Variants in PCDH15 observed in about 807,000 individuals in gnomAD.
The protein encoded by PCDH15 is protocadherin-15.
A neutral mutation model predicts 178.5 loss-of-function variants in PCDH15; 129 were observed. That is an observed-to-expected ratio of 0.72 (90% CI 0.63 to 0.84). PCDH15 has a LOEUF of 0.84. PCDH15 is among the 40% of genes least tolerant of loss of function. The pLI, the probability that PCDH15 is intolerant of heterozygous loss-of-function variation, is 0.00. For synonymous variants in PCDH15, 800 were observed against 732.0 expected, an observed-to-expected ratio of 1.09 and a Z score of -1.50; for missense variants, 2,230 against 2,099.9, an observed-to-expected ratio of 1.06 and a Z score of -1.21.
intron 3 of PCDH15, among the ~76,000 whole-genome samples, chr10:54,510,788 A>T (rs2081579514): frequency 6.6e-6 from 1 of 152,196 alleles, no homozygotes; most frequent in South Asian, 2.1e-4. Context: ...TTTTGGTGTG[A>T]ATGTATTTCA....
chr10:53,979,512 G>T (rs774992904), intron 21 of PCDH15, among the ~76,000 whole-genome samples: 2 of 152,106 alleles, frequency 1.3e-5, no homozygotes, highest in Non-Finnish European at 1.5e-5. Flanking sequence ...TCTAAGAATG[G>T]GGATACATTG....
intron 15 of PCDH15, among the ~76,000 whole-genome samples, chr10:54,111,937 C>T (rs1410782286): frequency 6.7e-6 from 1 of 148,708 alleles, no homozygotes; most frequent in African/African-American, 2.5e-5. Context: ...GACCATCCTG[C>T]CCAACATAGT....
intron 21 of PCDH15, among the ~76,000 whole-genome samples, chr10:53,989,302 T>C (rs2091312144): frequency 1.3e-5 from 2 of 152,156 alleles, no homozygotes; most frequent in Admixed American, 1.3e-4. Flanking sequence ...AAACAAATTT[T>C]ACGCACATTT....
intron 2 of PCDH15, among the ~76,000 whole-genome samples, chr10:54,659,358 T>C (rs2094455488): frequency 6.6e-6 from 1 of 152,208 alleles, no homozygotes; most frequent in South Asian, 2.1e-4. Flanking sequence ...GAACGTTCTC[T>C]AAAATTAACC....
intron 3 of PCDH15, among the ~76,000 whole-genome samples, chr10:54,436,261 GT>G (rs146022019): frequency 4.0e-5 from 6 of 150,894 alleles, no homozygotes; most frequent in East Asian, 1.9e-4. Flanking sequence ...CATTTAATGG[GT>G]TTTTTTTTGT....
chr10:55,154,033 C>T (rs1838810744), intron 2 of PCDH15, among the ~76,000 whole-genome samples: 1 of 152,074 alleles, frequency 6.6e-6, no homozygotes, highest in African/African-American at 2.4e-5. Context: ...GAGAAATTAC[C>T]ATGTACACGT....
chr10:53,985,237 C>T (rs777291172), intron 21 of PCDH15, among the ~76,000 whole-genome samples: 3 of 151,944 alleles, frequency 2.0e-5, no homozygotes, highest in Non-Finnish European at 4.4e-5. Flanking sequence ...AATGGTATTG[C>T]TTTCTTTTTC....
chr10:54,280,182 T>C (rs566897248), intron 8 of PCDH15, among the ~76,000 whole-genome samples: 2 of 151,896 alleles, frequency 1.3e-5, no homozygotes, highest in East Asian at 3.9e-4. Flanking sequence ...AAAACCCTGC[T>C]ACCCATTTCC....
At chr10:55,275,705 CTT>C (rs200162578) in intron 1 of PCDH15, among the ~76,000 whole-genome samples, 16 of 139,674 alleles carry the variant, frequency 1.1e-4, no homozygotes, top group Admixed American at 2.2e-4. Flanking sequence ...ACTTGTCTCT[CTT>C]TTTTTTTTTT....
intron 2 of PCDH15, among the ~76,000 whole-genome samples, chr10:55,432,955 T>C (rs1589022501): frequency 2.0e-5 from 3 of 151,248 alleles, no homozygotes; most frequent in Admixed American, 6.6e-5. Context: ...ACCCTGGAGG[T>C]AGAGTTTGCA....
intron 2 of PCDH15, among the ~76,000 whole-genome samples, chr10:54,916,946 GA>G (rs1318252505): frequency 6.6e-6 from 1 of 152,128 alleles, no homozygotes; most frequent in Non-Finnish European, 1.5e-5. Flanking sequence ...AGTCCCAGCA[GA>G]AAGATGACCA....
intron 2 of PCDH15, among the ~76,000 whole-genome samples, chr10:55,485,685 G>A (rs537842069): frequency 4.6e-5 from 7 of 151,470 alleles, no homozygotes; most frequent in African/African-American, 7.3e-5. Context: ...TCAAGGAGGC[G>A]CCTGCAATCC....
In PCDH15 at chr10:55,538,524, CCCTTCCTTCCTCCTTTCCTT is replaced by C. The variant is rs1564442040; in HGVS notation, c.-156+89081_-156+89100del. On this transcript the variant is annotated intron_variant, in intron 2 of 5. Transcript: ENST00000613346. Reference sequence around the variant, plus strand: ...TTCCTTCCTTCTTTCCTTCCTTCCTCCCTTCCTTCCTCCTTTCCTTCCTTCCTTCCTCCTTTCCTTCCTTC... The same window carrying C: ...TTCCTTCCTTCTTTCCTTCCTTCCTCCCTTCCTTCCTCCTTTCCTTCCTTC... Among the ~76,000 whole-genome samples, 7 of 62,640 alleles carry C rather than the reference CCCTTCCTTCCTCCTTTCCTT, an allele frequency of 1.1e-4. 1 individual carries two copies. Among genetic ancestry groups the C allele is most frequent in the Non-Finnish European group, 2.3e-4 (7 of 30,236 alleles). The allele number at this position is 62,640 out of a possible 152,430, so 41.1% of individuals were successfully genotyped here.
intron 2 of PCDH15, among the ~76,000 whole-genome samples, chr10:55,142,715 T>G (rs1838388825): frequency 6.6e-6 from 1 of 151,392 alleles, no homozygotes; most frequent in South Asian, 2.1e-4. Context: ...TCTCAGTTGG[T>G]CCACTGAATA....
At chr10:54,183,237 C>T (rs2048168114) in intron 13 of PCDH15, among the ~76,000 whole-genome samples, 1 of 152,194 alleles carries the variant, frequency 6.6e-6, no homozygotes, top group Admixed American at 6.5e-5. Flanking sequence ...TCCCAAAGTG[C>T]TGGGATTACA....
intron 17 of PCDH15, among the ~76,000 whole-genome samples, chr10:54,075,423 T>C (rs2094324417): frequency 6.6e-6 from 1 of 152,096 alleles, no homozygotes; most frequent in South Asian, 2.1e-4. Context: ...TAATGACTTA[T>C]CATATATATG....
At chr10:54,572,102 C>T (rs776328646) in intron 2 of PCDH15, among the ~76,000 whole-genome samples, 25 of 151,990 alleles carry the variant, frequency 1.6e-4, no homozygotes, top group Non-Finnish European at 2.2e-4. Context: ...AATTAGATGA[C>T]GAAATACCGT....
At chr10:54,846,229 G>A (rs1445642935) in intron 3 of PCDH15, among the ~76,000 whole-genome samples, 1 of 152,054 alleles carries the variant, frequency 6.6e-6, no homozygotes, top group Non-Finnish European at 1.5e-5. Flanking sequence ...AGTATCACAA[G>A]TGTTATCAAC....
intron 1 of PCDH15, among the ~76,000 whole-genome samples, chr10:55,289,886 G>A (rs1842965068): frequency 1.3e-5 from 2 of 151,976 alleles, no homozygotes; most frequent in Admixed American, 6.6e-5. Context: ...TCACGGGACT[G>A]AGTGAGTTTT....
Sources: allele counts gnomAD v4.1 joint callset (sites outside exome capture counted in the v4.1 genomes callset), GRCh38; gene constraint gnomAD v4.1.1; transcripts MANE v1.5; gene names NCBI Gene and HGNC (gene_info 2026-07-23, HGNC 2026-07-21).